CEACAM3: variants seen among roughly 807,000 people sequenced by gnomAD.
The protein encoded by CEACAM3 is cell adhesion molecule CEACAM3.
In CEACAM3, 32 loss-of-function variants were observed where a neutral mutation model predicts 30.1. The observed-to-expected ratio is 1.06, with a 90% CI of 0.80 to 1.43. The LOEUF is 1.43. Ranked by LOEUF, CEACAM3 falls within the 40% of genes most tolerant of loss-of-function variation. CEACAM3 has a pLI of 0.00. For missense variants in CEACAM3, 290 were observed against 316.3 expected (o/e 0.92, Z 0.63); for synonymous variants, 134 against 127.2 (o/e 1.05, Z -0.36).
intron 2 of CEACAM3, among the ~76,000 whole-genome samples, chr19:41,799,279 T>C (rs2073128238): frequency 6.6e-6 from 1 of 152,038 alleles, no homozygotes. Context: ...TCACTTTGAG[T>C]GCACAGGAGA....
At position 41,810,884 on chromosome 19, in the gene CEACAM3, C is replaced by T. The variant is rs1555827525; in HGVS notation, c.680C>T (p.Ala227Val). 5 of 1,613,708 alleles carry T rather than the reference C, an allele frequency of 3.1e-6. No homozygotes were observed. In the East Asian group the frequency reaches 8.9e-5, roughly 29 times the overall value. The change falls in exon 6 of 7, where the codon GCT becomes GTT. Residue 227 changes from alanine (A) to valine (V), a missense_variant. Physicochemically the swap from Ala to Val is moderately conservative, Grantham distance 64. Coordinates refer to ENST00000357396, the MANE Select transcript of CEACAM3 (RefSeq NM_001815.5). ...QAPLPNPRTA[A>V]SIYEELLKHD... ...CCCCTACCCAACCCCAGGACAGCAG[C>T]TTCCATCTATGAGGTGAGTGTGGGC...
chr19:41,809,125 G>C lies in CEACAM3; in HGVS notation c.542+195G>C, dbSNP rs2073228208. 4 of 457,478 alleles carry C rather than the reference G, an allele frequency of 8.7e-6. No individual in the cohort carries two copies. The Admixed American group carries it at 1.6e-4, about 18-fold the overall frequency. 28.3% of individuals were successfully genotyped at this position (457,478 alleles called of 1,614,324 possible). A position where few individuals can be genotyped will look rare whatever the true frequency, so the allele number is the denominator to read the frequency against. ...TGCTGCCTCAACAGCTTCCTCCTCTGTGAATTTGGCCCAATTAAGGCCCCA... is the reference window on the plus strand; with the variant it reads ...TGCTGCCTCAACAGCTTCCTCCTCTCTGAATTTGGCCCAATTAAGGCCCCA... On this transcript the variant is annotated intron_variant, in intron 3 of 6. Transcript: ENST00000357396.
chr19:41,800,570 C>T (rs200074336), intron 2 of CEACAM3, among the ~76,000 whole-genome samples: 12 of 152,318 alleles, frequency 7.9e-5, no homozygotes, highest in African/African-American at 2.2e-4. Flanking sequence ...TCCGCCTTCA[C>T]GTTCCATCCT....
At chr19:41,807,086 A>G in intron 2 of CEACAM3, 2 of 1,609,200 alleles carry the variant, frequency 1.2e-6, no homozygotes, top group Non-Finnish European at 1.7e-6. Flanking sequence ...CACACAGGGC[A>G]ATCTTCTCTC....
At chr19:41,798,467 T>C (rs1246564571) in intron 2 of CEACAM3, among the ~76,000 whole-genome samples, 5 of 152,048 alleles carry the variant, frequency 3.3e-5, no homozygotes, top group Non-Finnish European at 5.9e-5. Context: ...TGTCTGAGGG[T>C]CGTGGCTCCT....
intron 2 of CEACAM3, among the ~76,000 whole-genome samples, chr19:41,799,968 G>A (rs1190202625): frequency 2.0e-5 from 3 of 152,052 alleles, no homozygotes; most frequent in Non-Finnish European, 2.9e-5. Flanking sequence ...AGGTTTTCAG[G>A]TCTCCCTGGT....
rs2122984704 is a variant in CEACAM3, at chr19:41,796,706, G to A, written c.29G>A (p.Arg10Lys). ...GGGCCCCCCTCAGCCTCTCCCCACA[G>A]AGAATGCATCCCCTGGCAGGGGCTT... MGPPSASPHRECIPWQGLLL... is the reference protein window; with the variant it reads MGPPSASPHKECIPWQGLLL... Residue 10 changes from arginine to lysine, a missense_variant, in exon 1 of 7, where the codon AGA becomes AAA. By Grantham distance (26) the Arg-to-Lys change is conservative. Transcript: ENST00000357396. The A allele has an allele frequency of 6.2e-7, 1 of 1,614,036 alleles. No individual in the cohort carries two copies. Among genetic ancestry groups the A allele is most frequent in the East Asian group, 2.2e-5 (1 of 44,876 alleles).
chr19:41,800,881 C>T (rs1403940051), intron 2 of CEACAM3, among the ~76,000 whole-genome samples: 4 of 152,102 alleles, frequency 2.6e-5, no homozygotes, highest in Non-Finnish European at 5.9e-5. Context: ...TAGTGATCCC[C>T]CCGGGGCCCA....
At chr19:41,798,334 C>T (rs1166952153) in intron 2 of CEACAM3, among the ~76,000 whole-genome samples, 1 of 152,166 alleles carries the variant, frequency 6.6e-6, no homozygotes, top group Non-Finnish European at 1.5e-5. Context: ...CAGAACTGAG[C>T]CCCTGTGCAA....
At chr19:41,809,685 C>G in intron 3 of CEACAM3, 1 of 359,962 alleles carries the variant, frequency 2.8e-6, no homozygotes, top group Non-Finnish European at 5.2e-6. Flanking sequence ...TGGTCTGTTT[C>G]CTTCCTTGGG....
At chr19:41,797,504 G>A (rs2073111075) in intron 1 of CEACAM3, 85 bp from the exon 2 acceptor site, 4 of 1,519,602 alleles carry the variant, frequency 2.6e-6, no homozygotes, top group Non-Finnish European at 1.8e-6. Context: ...GCTGAAGGGT[G>A]AAGAGACTCT....
chr19:41,803,416 T>TTGTG lies in CEACAM3; in HGVS notation c.425-5391_425-5388dup, dbSNP rs1555826235. 1.6e-3 allele frequency among the ~76,000 whole-genome samples: 205 copies of TTGTG among 129,350 alleles called. 1 individual carries two copies. The highest frequency in any genetic ancestry group is 5.2e-3 in the African/African-American group (196 of 37,344). 84.9% of individuals were successfully genotyped at this position (129,350 alleles called of 152,430 possible). On this transcript the variant is annotated intron_variant, in intron 2 of 6. Coordinates refer to ENST00000357396, the MANE Select transcript of CEACAM3 (RefSeq NM_001815.5). ...ACTTCCAAAACTGAACAGCAAAGTT[T>TTGTG]TGTGTGTGTATGTGTGTGTGTGTGT...
chr19:41,806,629 C>G (rs1455434909), intron 2 of CEACAM3, among the ~76,000 whole-genome samples: 2 of 152,216 alleles, frequency 1.3e-5, no homozygotes, highest in Non-Finnish European at 2.9e-5. Context: ...GGTCATGCAT[C>G]TGTCTGTGAC....
chr19:41,797,465 C>G, intron 1 of CEACAM3, 124 bp from the exon 2 acceptor site: 1 of 1,297,988 alleles, frequency 7.7e-7, no homozygotes, highest in Non-Finnish European at 1.1e-6. Context: ...CTGACCTTGA[C>G]CAAGTGGGAC....
chr19:41,805,018 G>A (rs1392056245), intron 2 of CEACAM3, among the ~76,000 whole-genome samples: 1 of 152,022 alleles, frequency 6.6e-6, no homozygotes, highest in Non-Finnish European at 1.5e-5. Context: ...ATGCTCACTG[G>A]AGCATTTTGA....
At chr19:41,804,945 T>C (rs1488551106) in intron 2 of CEACAM3, among the ~76,000 whole-genome samples, 1 of 151,756 alleles carries the variant, frequency 6.6e-6, no homozygotes, top group Non-Finnish European at 1.5e-5. Flanking sequence ...AATCCAAAAA[T>C]CCAAAATACA....
At chr19:41,802,243 G>A (rs552381734) in intron 2 of CEACAM3, among the ~76,000 whole-genome samples, 1 of 152,236 alleles carries the variant, frequency 6.6e-6, no homozygotes, top group East Asian at 1.9e-4. Flanking sequence ...CAGCTATGGG[G>A]CTCCCATCCT....
intron 2 of CEACAM3, 147 bp downstream of exon 2, chr19:41,798,095 G>A (rs1470365800): frequency 6.8e-6 from 9 of 1,331,112 alleles, no homozygotes; most frequent in South Asian, 2.9e-5. Flanking sequence ...ACACACGGGG[G>A]AGACAAACTT....
chr19:41,807,850 A>G (rs1276360449), intron 2 of CEACAM3, among the ~76,000 whole-genome samples: 1 of 152,182 alleles, frequency 6.6e-6, no homozygotes, highest in Non-Finnish European at 1.5e-5. Context: ...CTCTCCTGCC[A>G]CATGGCCTCT....
Sources: gnomAD v4.1 joint callset for allele counts (sites outside exome capture counted in the v4.1 genomes callset) on GRCh38, gnomAD v4.1.1 for gene constraint, MANE v1.5 for transcripts, NCBI Gene and HGNC (gene_info 2026-07-23, HGNC 2026-07-21) for gene names.